Variants in LINGO2 observed in about 807,000 individuals in gnomAD.
LINGO2 encodes the protein leucine-rich repeat and immunoglobulin-like domain-containing nogo receptor-interacting protein 2.
LINGO2 carries 14 observed loss-of-function variants against 30.6 expected under a neutral mutation model. The ratio of observed to expected loss-of-function variants is 0.46; its 90% confidence interval spans 0.30 to 0.72. The LOEUF (loss-of-function observed/expected upper bound fraction) is 0.72, where lower values mean the gene tolerates loss of function less well. Among genes scored for constraint, LINGO2 ranks in the 30% least tolerant of loss-of-function variants. The probability of loss-of-function intolerance (pLI) is 0.07; values close to 1 mark genes in which losing one functional copy is unlikely to be tolerated. For missense variants in LINGO2, 729 were observed against 751.7 expected (o/e 0.97, Z 0.35); for synonymous variants, 317 against 288.5 (o/e 1.10, Z -1.00).
At chr9:28,215,236 C>T (rs1414274506) in intron 4 of LINGO2, among the ~76,000 whole-genome samples, 1 of 151,674 alleles carries the variant, frequency 6.6e-6, no homozygotes, top group Non-Finnish European at 1.5e-5. Context: ...TTAGAATTTC[C>T]CATTTCATAT....
At chr9:28,748,738 G>C in the LINGO2 span, among the ~76,000 whole-genome samples, 1 of 151,934 alleles carries the variant, frequency 6.6e-6, no homozygotes, top group Non-Finnish European at 1.5e-5. Context: ...GAACTCATTA[G>C]AACAACATAT....
At chr9:28,508,958 A>G (rs944360831) in intron 1 of LINGO2, among the ~76,000 whole-genome samples, 2 of 152,016 alleles carry the variant, frequency 1.3e-5, no homozygotes, top group African/African-American at 4.8e-5. Flanking sequence ...TATGCATGCC[A>G]TACTACATGC....
At chr9:28,399,428 C>A (rs1033500247) in intron 2 of LINGO2, among the ~76,000 whole-genome samples, 3 of 151,806 alleles carry the variant, frequency 2.0e-5, no homozygotes, top group East Asian at 1.9e-4. Context: ...TAAATTATGA[C>A]CCTTGTAATA....
At position 28,159,132 on chromosome 9, in the gene LINGO2, G is replaced by T. The variant is rs544510121; in HGVS notation, c.-87+136076C>A. Among the ~76,000 whole-genome samples the T allele has an allele frequency of 8.5e-5, 13 of 152,230 alleles. No individual in the cohort carries two copies. In the South Asian group the frequency reaches 2.7e-3, roughly 32 times the overall value. ...CTGCTTTATAAGGTATAAAAATGGTGATTATGAATATTTTCTTATTTTGTT... is the reference window on the plus strand; with the variant it reads ...CTGCTTTATAAGGTATAAAAATGGTTATTATGAATATTTTCTTATTTTGTT... On this transcript the variant is annotated intron_variant, in intron 4 of 5. Coordinates refer to ENST00000379992, the Ensembl canonical transcript of LINGO2.
At chr9:28,829,666 T>C in the LINGO2 span, among the ~76,000 whole-genome samples, 3 of 152,116 alleles carry the variant, frequency 2.0e-5, no homozygotes, top group Non-Finnish European at 4.4e-5. Context: ...GGTGGGCAGA[T>C]TACCTGAGGT....
At chr9:28,302,325 G>A (rs962364615) in intron 3 of LINGO2, among the ~76,000 whole-genome samples, 1 of 152,200 alleles carries the variant, frequency 6.6e-6, no homozygotes, top group Non-Finnish European at 1.5e-5. Flanking sequence ...CAGTGCCACT[G>A]CATTAGTTTG....
intron 4 of LINGO2, among the ~76,000 whole-genome samples, chr9:28,186,849 G>C (rs1471811999): frequency 1.3e-5 from 2 of 152,108 alleles, no homozygotes; most frequent in Non-Finnish European, 2.9e-5. Context: ...AAGTGTAGTA[G>C]CATATATGAT....
chr9:28,784,977 G>C, the LINGO2 span, among the ~76,000 whole-genome samples: 3 of 151,358 alleles, frequency 2.0e-5, no homozygotes, highest in Non-Finnish European at 4.4e-5. Context: ...GCAAATATAT[G>C]AGCCTACTGT....
chr9:27,966,720 C>T (rs920691708), intron 5 of LINGO2, among the ~76,000 whole-genome samples: 7 of 151,918 alleles, frequency 4.6e-5, no homozygotes, highest in African/African-American at 1.5e-4. Context: ...ACACGTATCC[C>T]AGAATTTACA....
the LINGO2 span, among the ~76,000 whole-genome samples, chr9:29,174,017 T>G: frequency 6.6e-6 from 1 of 151,996 alleles, no homozygotes; most frequent in Non-Finnish European, 1.5e-5. Context: ...TACAAAGGAT[T>G]TACCATGTTG....
intron 3 of LINGO2, among the ~76,000 whole-genome samples, chr9:28,355,197 G>A (rs1307607911): frequency 6.6e-6 from 1 of 150,860 alleles, no homozygotes; most frequent in Admixed American, 6.6e-5. Context: ...ATTGCCCCAG[G>A]TTGTATTATA....
intron 4 of LINGO2, among the ~76,000 whole-genome samples, chr9:28,254,755 A>G (rs563102705): frequency 3.9e-5 from 6 of 152,258 alleles, no homozygotes; most frequent in South Asian, 2.1e-4. Flanking sequence ...CAATAGAAAT[A>G]CCAAATTTTT....
At chr9:28,389,468 C>T (rs1025918367) in intron 2 of LINGO2, among the ~76,000 whole-genome samples, 1 of 152,178 alleles carries the variant, frequency 6.6e-6, no homozygotes, top group African/African-American at 2.4e-5. Context: ...GTTAGATCCC[C>T]ACCTTCAACA....
chr9:28,990,116 G>T, the LINGO2 span, among the ~76,000 whole-genome samples: 2 of 152,222 alleles, frequency 1.3e-5, no homozygotes, highest in Non-Finnish European at 1.5e-5. Flanking sequence ...AGCGCAAGGG[G>T]TCAGGGAGTT....
the LINGO2 span, among the ~76,000 whole-genome samples, chr9:28,789,136 C>T: frequency 6.6e-6 from 1 of 152,012 alleles, no homozygotes; most frequent in East Asian, 1.9e-4. Context: ...TAAAATATCA[C>T]CAACTTGAAC....
intron 2 of LINGO2, among the ~76,000 whole-genome samples, chr9:28,413,701 T>C (rs1447063928): frequency 1.3e-5 from 2 of 152,010 alleles, no homozygotes; most frequent in African/African-American, 4.8e-5. Flanking sequence ...GGCTGAGATG[T>C]GGGAGTGGTA....
chr9:28,239,373 T>C (rs1280083723), intron 4 of LINGO2, among the ~76,000 whole-genome samples: 3 of 152,084 alleles, frequency 2.0e-5, no homozygotes, highest in Non-Finnish European at 4.4e-5. Context: ...TGAATATTGA[T>C]TCAAAAATAC....
At chr9:29,030,276 A>G in the LINGO2 span, among the ~76,000 whole-genome samples, 1 of 133,760 alleles carries the variant, frequency 7.5e-6, no homozygotes, top group Non-Finnish European at 1.7e-5. Flanking sequence ...CCACTGAAAC[A>G]CTGGCCCCAA....
rs373953183 is a variant in LINGO2, at chr9:28,609,764, T to C, written c.-365+60436A>G. On this transcript the variant is annotated intron_variant, in intron 1 of 5. Transcript: ENST00000379992. ...ACCAATTATTTGTCATAGATAGTTA[T>C]CTTAAAATTTTTGCACATATGAGTG... Among the ~76,000 whole-genome samples, 4 of 152,228 alleles carry C rather than the reference T, an allele frequency of 2.6e-5. No homozygotes were observed. The South Asian group carries it at 6.2e-4, about 24-fold the overall frequency.
Sources: gnomAD v4.1 joint callset for allele counts (sites outside exome capture counted in the v4.1 genomes callset) on GRCh38, gnomAD v4.1.1 for gene constraint, MANE v1.5 for transcripts, NCBI Gene and HGNC (gene_info 2026-07-23, HGNC 2026-07-21) for gene names.